Variants in TEX36 observed in about 807,000 individuals in gnomAD.
The protein encoded by TEX36 is testis-expressed protein 36.
A neutral mutation model predicts 13.6 loss-of-function variants in TEX36; 12 were observed. The observed-to-expected ratio is 0.88, with a 90% CI of 0.56 to 1.43. TEX36 has a LOEUF of 1.43. TEX36 is among the 40% of genes most tolerant of loss of function. The pLI, the probability that TEX36 is intolerant of heterozygous loss-of-function variation, is 0.00. For synonymous variants in TEX36, 93 were observed against 83.0 expected (o/e 1.12, Z -0.65); for missense variants, 224 against 228.3 (o/e 0.98, Z 0.12).
At chr10:125,579,135 C>T (rs968112601) in intron 3 of TEX36, among the ~76,000 whole-genome samples, 5 of 152,232 alleles carry the variant, frequency 3.3e-5, no homozygotes, top group East Asian at 1.9e-4. Flanking sequence ...CTGGCACACT[C>T]ATTCTTGGAA....
intron 3 of TEX36, among the ~76,000 whole-genome samples, chr10:125,592,465 T>C (rs1846032992): frequency 6.6e-6 from 1 of 152,176 alleles, no homozygotes; most frequent in African/African-American, 2.4e-5. Context: ...CTGTAGAAGA[T>C]AGAGGAGAAG....
chr10:125,623,263 G>C (rs1846448972), intron 3 of TEX36, among the ~76,000 whole-genome samples: 1 of 152,152 alleles, frequency 6.6e-6, no homozygotes, highest in Non-Finnish European at 1.5e-5. Context: ...CCATGAGCAT[G>C]AGCTCACTGC....
intron 3 of TEX36, among the ~76,000 whole-genome samples, chr10:125,613,729 C>T (rs1277871911): frequency 4.6e-5 from 7 of 151,884 alleles, no homozygotes; most frequent in African/African-American, 7.3e-5. Context: ...CGAATAGTGC[C>T]GCAATAAACA....
chr10:125,651,491 G>C (rs564989797), downstream of TEX36, among the ~76,000 whole-genome samples: 1 of 152,116 alleles, frequency 6.6e-6, no homozygotes, highest in Non-Finnish European at 1.5e-5. Context: ...TTGATGGGAC[G>C]TATCTCAAAA....
intron 3 of TEX36, among the ~76,000 whole-genome samples, chr10:125,629,643 GAC>G (rs1846528261): frequency 6.6e-6 from 1 of 151,996 alleles, no homozygotes; most frequent in Non-Finnish European, 1.5e-5. Flanking sequence ...GTGTTTTCAT[GAC>G]AAGAATATAT....
At chr10:125,633,087 GCA>G (rs1457261164) in intron 3 of TEX36, among the ~76,000 whole-genome samples, 1 of 151,964 alleles carries the variant, frequency 6.6e-6, no homozygotes. Flanking sequence ...TTGTGCCACT[GCA>G]CTCCAATCTG....
At chr10:125,655,519 T>C (rs1324863146), downstream of TEX36, among the ~76,000 whole-genome samples, 1 of 152,240 alleles carries the variant, frequency 6.6e-6, no homozygotes, top group Non-Finnish European at 1.5e-5. Flanking sequence ...GTTATGCACA[T>C]GTATATGATT....
At chr10:125,587,847 T>C (rs1023095999) in intron 3 of TEX36, among the ~76,000 whole-genome samples, 3 of 148,448 alleles carry the variant, frequency 2.0e-5, no homozygotes, top group East Asian at 4.0e-4. Context: ...CACACACATA[T>C]ACACACGTAT....
intron 3 of TEX36, among the ~76,000 whole-genome samples, chr10:125,642,236 G>T (rs985115987): frequency 6.6e-6 from 1 of 152,228 alleles, no homozygotes; most frequent in Non-Finnish European, 1.5e-5. Flanking sequence ...CATGTCGAAG[G>T]CAAAGACAGG....
chr10:125,655,080 G>A (rs557070533), downstream of TEX36, among the ~76,000 whole-genome samples: 1 of 152,150 alleles, frequency 6.6e-6, no homozygotes, highest in Non-Finnish European at 1.5e-5. Flanking sequence ...TATAGGCAGC[G>A]ATTTTTTAAA....
chr10:125,663,902 T>C (rs1178850312), intron 1 of TEX36, among the ~76,000 whole-genome samples: 1 of 152,220 alleles, frequency 6.6e-6, no homozygotes, highest in African/African-American at 2.4e-5. Context: ...AGATTATGAT[T>C]GACTGTAGTC....
chr10:125,644,239 C>T lies in TEX36; in HGVS notation c.264+16782G>A, dbSNP rs114689936. Among the ~76,000 whole-genome samples, 839 of 152,128 alleles carry T rather than the reference C, an allele frequency of 5.5e-3. 9 individuals carry two copies. The highest frequency in any genetic ancestry group is 0.039 in the South Asian group (187 of 4,808). On this transcript the variant is annotated intron_variant, in intron 3 of 3. Transcript: ENST00000526819. ...ACTTAGTAAGCTGGAAGATGAAGTTCGGGAATTCTCCCAGAAACCAGTGCA... is the reference window on the plus strand; with the variant it reads ...ACTTAGTAAGCTGGAAGATGAAGTTTGGGAATTCTCCCAGAAACCAGTGCA...
chr10:125,612,204 C>T (rs1846298572), intron 3 of TEX36, among the ~76,000 whole-genome samples: 1 of 151,776 alleles, frequency 6.6e-6, no homozygotes. Flanking sequence ...CTGCCTCAGC[C>T]TCCGGAGTAG....
intron 1 of TEX36, among the ~76,000 whole-genome samples, chr10:125,675,677 C>G (rs1274428413): frequency 6.6e-6 from 1 of 152,172 alleles, no homozygotes; most frequent in African/African-American, 2.4e-5. Flanking sequence ...GGCAGACACA[C>G]CACCCTACTT....
At chr10:125,615,864 G>A (rs1471709627) in intron 3 of TEX36, among the ~76,000 whole-genome samples, 1 of 152,164 alleles carries the variant, frequency 6.6e-6, no homozygotes. Context: ...AAAGGTACCA[G>A]TTCCCCCTGG....
downstream of TEX36, among the ~76,000 whole-genome samples, chr10:125,617,562 A>G (rs1846375436): frequency 6.6e-6 from 1 of 152,156 alleles, no homozygotes; most frequent in Non-Finnish European, 1.5e-5. Flanking sequence ...GTTTGGCTGG[A>G]TATGAAATTC....
intron 3 of TEX36, among the ~76,000 whole-genome samples, chr10:125,580,378 C>G (rs774809184): frequency 3.9e-5 from 6 of 152,198 alleles, no homozygotes; most frequent in Non-Finnish European, 7.3e-5. Flanking sequence ...AAAAGGTTTT[C>G]TCCAACTTTA....
At chr10:125,605,904 A>G (rs1209727375) in intron 3 of TEX36, among the ~76,000 whole-genome samples, 1 of 152,152 alleles carries the variant, frequency 6.6e-6, no homozygotes, top group Non-Finnish European at 1.5e-5. Flanking sequence ...GCCCAGCCAG[A>G]TCTATCTATT....
At chr10:125,600,715 G>C (rs149631977) in intron 3 of TEX36, among the ~76,000 whole-genome samples, 1 of 152,156 alleles carries the variant, frequency 6.6e-6, no homozygotes, top group Non-Finnish European at 1.5e-5. Flanking sequence ...GAGGACAACT[G>C]TCCCATCTTT....
Sources: gnomAD v4.1 joint callset for allele counts (sites outside exome capture counted in the v4.1 genomes callset) on GRCh38, gnomAD v4.1.1 for gene constraint, MANE v1.5 for transcripts, NCBI Gene and HGNC (gene_info 2026-07-23, HGNC 2026-07-21) for gene names.